SUCLA2: variants seen among roughly 807,000 people sequenced by gnomAD.
The protein encoded by SUCLA2 is succinate-CoA ligase ADP-forming subunit beta.
In SUCLA2, 30 loss-of-function variants were observed where a neutral mutation model predicts 54.8. That is an observed-to-expected ratio of 0.55 (90% CI 0.41 to 0.74). The LOEUF (loss-of-function observed/expected upper bound fraction) is 0.74, where lower values mean the gene tolerates loss of function less well. Among genes scored for constraint, SUCLA2 ranks in the 30% least tolerant of loss-of-function variants. The pLI is 0.00. For missense variants in SUCLA2, 476 were observed against 562.9 expected, an observed-to-expected ratio of 0.85 and a Z score of 1.56; for synonymous variants, 172 against 188.9, an observed-to-expected ratio of 0.91 and a Z score of 0.74.
chr13:47,957,762 C>T lies in SUCLA2; in HGVS notation c.803-3205G>A, dbSNP rs147611791. ...TGCGTGTTGTGTCCGGGCAAGTGAGCGTCCTTTGTGGGTACCGGACAGTTG... is the reference window on the plus strand; with the variant it reads ...TGCGTGTTGTGTCCGGGCAAGTGAGTGTCCTTTGTGGGTACCGGACAGTTG... On this transcript the variant is annotated intron_variant, in intron 6 of 10. Coordinates refer to ENST00000646932, the MANE Select transcript of SUCLA2 (RefSeq NM_003850.3). Among the ~76,000 whole-genome samples, 582 of 152,172 alleles carry T rather than the reference C, an allele frequency of 3.8e-3. 2 individuals are homozygous for T. The highest frequency in any genetic ancestry group is 0.013 in the African/African-American group (546 of 41,504).
intron 2 of SUCLA2, chr13:47,991,576 G>A (rs939235568): frequency 6.6e-6 from 1 of 152,112 alleles, no homozygotes; most frequent in Non-Finnish European, 1.5e-5. Context: ...ATCATTTGTT[G>A]TTTTGCTTCC....
At chr13:48,001,027 G>T (rs1322982201) in intron 1 of SUCLA2, 153 bp downstream of exon 1, 1 of 1,481,730 alleles carries the variant, frequency 6.7e-7, no homozygotes, top group Non-Finnish European at 9.0e-7. Context: ...GTCCTGGCGA[G>T]CAGCACTCCC....
At position 47,988,615 on chromosome 13, in the gene SUCLA2, G is replaced by C. The variant is rs1950124340; in HGVS notation, c.460C>G (p.Gln154Glu). The change falls in exon 4 of 11, where the codon CAA (glutamine) becomes GAA (glutamate). Residue 154 changes from glutamine (Q) to glutamate (E), a missense_variant. By Grantham distance (29) the Gln-to-Glu change is conservative. This residue lies in a region of SUCLA2 where 342 missense variants were observed against 444.2 expected (regional missense o/e 0.77). Coordinates refer to ENST00000646932, the MANE Select transcript of SUCLA2 (RefSeq NM_003850.3). ...TATTTTCGCTCACAGACCAATACTTGATTGCATATTCTGCCCTTTTCTCCC... is the reference window on the plus strand; with the variant it reads ...TATTTTCGCTCACAGACCAATACTTCATTGCATATTCTGCCCTTTTCTCCC... ...QTGEKGRICN[Q>E]VLVCERKYPR... 6 of 1,613,956 alleles carry C rather than the reference G, an allele frequency of 3.7e-6. No individual in the cohort carries two copies. Among genetic ancestry groups the C allele is most frequent in the Non-Finnish European group, 5.1e-6 (6 of 1,179,954 alleles).
At chr13:47,974,402 T>C (rs531579834) in intron 4 of SUCLA2, among the ~76,000 whole-genome samples, 25 of 152,060 alleles carry the variant, frequency 1.6e-4, no homozygotes, top group South Asian at 6.2e-4. Context: ...CTGGGCAACA[T>C]AGTAAGACTC....
At chr13:47,970,991 G>A (rs545868960) in intron 5 of SUCLA2, among the ~76,000 whole-genome samples, 6 of 150,452 alleles carry the variant, frequency 4.0e-5, no homozygotes, top group Non-Finnish European at 5.9e-5. Flanking sequence ...AGTCAGGATC[G>A]CGCCACTGCA....
At chr13:47,962,988 C>A (rs979598810) in intron 6 of SUCLA2, among the ~76,000 whole-genome samples, 7 of 152,136 alleles carry the variant, frequency 4.6e-5, no homozygotes, top group African/African-American at 1.7e-4. Context: ...CTTCCTTGCC[C>A]CTCCCTAGTT....
intron 2 of SUCLA2, among the ~76,000 whole-genome samples, chr13:47,992,731 T>C (rs2137748472): frequency 6.6e-6 from 1 of 152,310 alleles, no homozygotes; most frequent in East Asian, 1.9e-4. Context: ...AAGCATTCCT[T>C]GTATACAGGT....
intron 9 of SUCLA2, among the ~76,000 whole-genome samples, 191 bp downstream of exon 9, chr13:47,949,292 T>C (rs934460629): frequency 1.3e-5 from 2 of 152,210 alleles, no homozygotes; most frequent in South Asian, 4.1e-4. Flanking sequence ...GTGTATCAAA[T>C]TATACCAAGC....
chr13:47,962,252 T>G (rs1283663685), intron 6 of SUCLA2, among the ~76,000 whole-genome samples: 1 of 152,206 alleles, frequency 6.6e-6, no homozygotes, highest in Non-Finnish European at 1.5e-5. Flanking sequence ...TGAGGCATAT[T>G]TCTCTCTCTG....
At chr13:47,982,446 G>T (rs79725473) in intron 4 of SUCLA2, among the ~76,000 whole-genome samples, 1 of 151,530 alleles carries the variant, frequency 6.6e-6, no homozygotes, top group African/African-American at 2.4e-5. Flanking sequence ...AAAGGGAGCT[G>T]TTCAATGAAT....
At chr13:47,995,925 G>A (rs1329148538) in intron 2 of SUCLA2, among the ~76,000 whole-genome samples, 1 of 151,960 alleles carries the variant, frequency 6.6e-6, no homozygotes, top group Non-Finnish European at 1.5e-5. Context: ...AATAAACATG[G>A]GCAACTATTA....
chr13:47,992,846 T>A (rs914382436), intron 2 of SUCLA2, among the ~76,000 whole-genome samples: 7 of 152,256 alleles, frequency 4.6e-5, no homozygotes, highest in Non-Finnish European at 1.0e-4. Flanking sequence ...ACCCTTTACA[T>A]GTATCTATTC....
At chr13:47,951,480 C>T (rs1949775302) in intron 8 of SUCLA2, among the ~76,000 whole-genome samples, 1 of 152,156 alleles carries the variant, frequency 6.6e-6, no homozygotes, top group Non-Finnish European at 1.5e-5. Context: ...ATACCTATTC[C>T]TCTGCCATCC....
Position 47,970,138 on chromosome 13 carries a change from A to G in SUCLA2, c.664-1405T>C, listed in dbSNP as rs549749649. 3.1e-3 allele frequency among the ~76,000 whole-genome samples: 475 copies of G among 151,472 alleles called. 2 individuals carry two copies. Among genetic ancestry groups the G allele is most frequent in the Non-Finnish European group, 5.4e-3 (367 of 67,876 alleles). On this transcript the variant is annotated intron_variant, in intron 5 of 10. Transcript: ENST00000646932. ...AAAAAAAAAAGCACTAAGGAATGTA[A>G]TCTTTTGTTTTGACCTATTTCAAAT... is the stretch of plus-strand genomic sequence containing the variant.
At chr13:47,976,970 A>G (rs2137726800) in intron 4 of SUCLA2, among the ~76,000 whole-genome samples, 1 of 151,952 alleles carries the variant, frequency 6.6e-6, no homozygotes, top group African/African-American at 2.4e-5. Context: ...AATCATAAAG[A>G]TTAGAGCAGA....
chr13:48,001,252 G>C lies in SUCLA2; in HGVS notation c.18C>G (p.Phe6Leu), dbSNP rs1324839732. The C allele has an allele frequency of 6.2e-7, 1 of 1,604,450 alleles. No individual in the cohort carries two copies. The highest frequency in any genetic ancestry group is 8.5e-7 in the Non-Finnish European group (1 of 1,176,290). ...TGGCCACGGCCACTAGCCTGCCGTA[G>C]AACATGGAGGCCGCCATTTCTGAGT... MAASM[F>L]YGRLVAVATL... Residue 6 changes from phenylalanine to leucine, a missense_variant, in exon 1 of 11, where the codon TTC (phenylalanine) becomes TTG (leucine). Physicochemically the swap from Phe to Leu is conservative, Grantham distance 22. Transcript: ENST00000646932.
Position 47,968,614 on chromosome 13 carries a change from CA to C in SUCLA2, c.782del (p.Val261GlyfsTer58). On this transcript the variant is annotated frameshift_variant, in exon 6 of 11. Transcript: ENST00000646932. LOFTEE classifies it high-confidence loss of function. ...DATMIEINPM[V>X]EDSDGAVLCM... ...CTTTACCAGCTCCATCTGAATCTTC[CA>C]CCATTGGATTTATTTCTATCATGGT... 3 of 1,611,624 alleles carry C rather than the reference CA, an allele frequency of 1.9e-6. No homozygotes were observed. Among genetic ancestry groups the C allele is most frequent in the Non-Finnish European group, 2.5e-6 (3 of 1,179,738 alleles).
intron 10 of SUCLA2, among the ~76,000 whole-genome samples, chr13:47,946,687 G>A (rs892867844): frequency 2.6e-5 from 4 of 151,612 alleles, no homozygotes; most frequent in Non-Finnish European, 4.4e-5. Context: ...AATCCACTAA[G>A]TTGTGGGACA....
chr13:47,981,387 G>A (rs1323260061), intron 4 of SUCLA2, among the ~76,000 whole-genome samples: 6 of 152,122 alleles, frequency 3.9e-5, no homozygotes, highest in Admixed American at 3.3e-4. Context: ...AATAACGGGG[G>A]AAATGCAAAT....
Sources: allele counts gnomAD v4.1 joint callset (sites outside exome capture counted in the v4.1 genomes callset), GRCh38; gene constraint gnomAD v4.1.1; regional missense constraint gnomAD v4.1.1; transcripts MANE v1.5; gene names NCBI Gene and HGNC (gene_info 2026-07-23, HGNC 2026-07-21).